Variants in SLC35F3 observed in about 807,000 individuals in gnomAD.
The protein encoded by SLC35F3 is putative thiamine transporter SLC35F3.
In SLC35F3, 25 loss-of-function variants were observed where a neutral mutation model predicts 49.9. The observed-to-expected ratio is 0.50, with a 90% confidence interval of 0.37 to 0.70. The LOEUF is 0.70. Ranked by LOEUF, SLC35F3 falls within the 30% of genes least tolerant of loss-of-function variation. The pLI, the probability that SLC35F3 is intolerant of heterozygous loss-of-function variation, is 0.00. For synonymous variants in SLC35F3, 275 were observed against 265.4 expected (o/e 1.04, Z -0.35); for missense variants, 525 against 639.8 (o/e 0.82, Z 1.94).
intron 2 of SLC35F3, among the ~76,000 whole-genome samples, chr1:234,162,552 C>T (rs1156416091): frequency 6.6e-6 from 1 of 151,958 alleles, no homozygotes; most frequent in East Asian, 1.9e-4. Context: ...CCACTTTCTC[C>T]TTGCCCCCCT....
intron 2 of SLC35F3, among the ~76,000 whole-genome samples, chr1:234,159,369 G>A: frequency 6.6e-6 from 1 of 152,068 alleles, no homozygotes; most frequent in East Asian, 1.9e-4. Flanking sequence ...CTGAGGTCAG[G>A]AGTTTGAGAC....
rs188813369 is a variant in SLC35F3 at position 233,988,155 on chromosome 1, T to G, written c.283+82397T>G. ...AACACGAGTGGTATTTATCAAGCAG[T>G]GAGCTTCATTTCAGGGTCACGGTCT... is the stretch of plus-strand genomic sequence containing the variant. On this transcript the variant is annotated intron_variant, in intron 2 of 7. Transcript: ENST00000366618. Among the ~76,000 whole-genome samples the G allele has an allele frequency of 2.5e-3, 374 of 152,322 alleles. 3 individuals carry two copies. The highest frequency in any genetic ancestry group is 0.013 in the Admixed American group (192 of 15,300).
At chr1:234,060,986 G>A (rs904192619) in intron 2 of SLC35F3, among the ~76,000 whole-genome samples, 5 of 152,204 alleles carry the variant, frequency 3.3e-5, no homozygotes, top group African/African-American at 7.2e-5. Context: ...CATTACTTAC[G>A]AGAATAAGGG....
At chr1:234,140,710 G>A (rs1025833449) in intron 2 of SLC35F3, among the ~76,000 whole-genome samples, 6 of 152,166 alleles carry the variant, frequency 3.9e-5, no homozygotes, top group Non-Finnish European at 5.9e-5. Context: ...ACTATGCGAT[G>A]TATTGTCTTA....
At chr1:234,104,578 G>A (rs1665256862) in intron 2 of SLC35F3, among the ~76,000 whole-genome samples, 1 of 152,116 alleles carries the variant, frequency 6.6e-6, no homozygotes, top group Non-Finnish European at 1.5e-5. Flanking sequence ...TCATTAAGAT[G>A]ACCTGTAGCA....
chr1:234,234,411 C>A (rs1254870053), intron 3 of SLC35F3, among the ~76,000 whole-genome samples: 2 of 152,198 alleles, frequency 1.3e-5, no homozygotes, highest in African/African-American at 4.8e-5. Context: ...CAGCACAGAG[C>A]TCCGCAACCT....
chr1:234,164,346 C>A (rs550454045), intron 2 of SLC35F3, among the ~76,000 whole-genome samples: 14 of 148,920 alleles, frequency 9.4e-5, no homozygotes, highest in Non-Finnish European at 1.5e-4. Flanking sequence ...CTTTCTCTCT[C>A]CCCCCTCCCT....
chr1:233,928,054 T>C (rs1662187663), intron 2 of SLC35F3, among the ~76,000 whole-genome samples: 1 of 152,104 alleles, frequency 6.6e-6, no homozygotes, highest in Admixed American at 6.6e-5. Context: ...GAAGTCAAAA[T>C]GTTTGAAGAC....
At position 234,277,715 on chromosome 1, in the gene SLC35F3, A is replaced by G. The variant is rs1558095605; in HGVS notation, c.609-31386A>G. Among the ~76,000 whole-genome samples the G allele has an allele frequency of 3.3e-5, 5 of 152,190 alleles. No individual in the cohort carries two copies. The South Asian group carries it at 1.0e-3, about 32-fold the overall frequency. ...TTCCTATTGTTCTCTCATCATAACC[A>G]AGTAGAAATGGTATGCCTGCAAGGA... On this transcript the variant is annotated intron_variant, in intron 3 of 7. Transcript: ENST00000366618.
chr1:233,969,112 A>T (rs1467777462), intron 2 of SLC35F3, among the ~76,000 whole-genome samples: 1 of 152,060 alleles, frequency 6.6e-6, no homozygotes, highest in Non-Finnish European at 1.5e-5. Flanking sequence ...CATTTCAGCC[A>T]AGCAAAGTTT....
At chr1:233,912,462 G>A (rs1661893622) in intron 2 of SLC35F3, among the ~76,000 whole-genome samples, 1 of 152,090 alleles carries the variant, frequency 6.6e-6, no homozygotes, top group Non-Finnish European at 1.5e-5. Context: ...GGGCGACAGA[G>A]TGAGACTCCA....
intron 2 of SLC35F3, among the ~76,000 whole-genome samples, chr1:234,056,468 T>A (rs143465068): frequency 6.6e-6 from 1 of 152,292 alleles, no homozygotes; most frequent in African/African-American, 2.4e-5. Context: ...ACAGTCCATT[T>A]TAGAACACTT....
chr1:234,278,765 C>A (rs1668256399), intron 3 of SLC35F3, among the ~76,000 whole-genome samples: 1 of 150,790 alleles, frequency 6.6e-6, no homozygotes. Context: ...CTTGTTGTAC[C>A]CTTATGAGGC....
chr1:233,928,618 G>T (rs1662196730), intron 2 of SLC35F3, among the ~76,000 whole-genome samples: 1 of 152,134 alleles, frequency 6.6e-6, no homozygotes, highest in South Asian at 2.1e-4. Flanking sequence ...CATCCAAAGG[G>T]CTGAATACAG....
intron 2 of SLC35F3, among the ~76,000 whole-genome samples, chr1:233,998,641 A>G (rs756768395): frequency 5.9e-5 from 9 of 151,930 alleles, no homozygotes; most frequent in Non-Finnish European, 1.2e-4. Context: ...TGTTCAACTC[A>G]GTAGACACTA....
chr1:234,097,178 C>T (rs1006129720), intron 2 of SLC35F3, among the ~76,000 whole-genome samples: 1 of 152,012 alleles, frequency 6.6e-6, no homozygotes, highest in Non-Finnish European at 1.5e-5. Context: ...CATGAGCCAC[C>T]GGGCCCAGAC....
chr1:234,085,595 T>C (rs141132560), intron 2 of SLC35F3, among the ~76,000 whole-genome samples: 80 of 152,344 alleles, frequency 5.3e-4, no homozygotes, highest in African/African-American at 1.8e-3. Flanking sequence ...CAGACCTCAG[T>C]GTGCCCACCC....
Position 234,231,749 on chromosome 1 carries a change from CG to C in SLC35F3, c.608+9del, listed in dbSNP as rs1558267905. 2.5e-6 allele frequency: 4 copies of C among 1,588,404 alleles called. No homozygotes were observed. The highest frequency in any genetic ancestry group is 3.4e-6 in the Non-Finnish European group (4 of 1,164,192). Reference sequence around the variant, plus strand: ...TGTGAAGCAGCGATACAGGTAGGCGCGTCCTGCATGAGGAGGCCTCCTGACC... The same window carrying C: ...TGTGAAGCAGCGATACAGGTAGGCGCTCCTGCATGAGGAGGCCTCCTGACC... On this transcript the variant is annotated intron_variant, in intron 3 of 7. Coordinates refer to ENST00000366618, the MANE Select transcript of SLC35F3 (RefSeq NM_173508.4). The surrounding 1 kb of genome is among the most constrained non-coding windows in gnomAD (Gnocchi z 5.4).
intron 3 of SLC35F3, among the ~76,000 whole-genome samples, chr1:234,291,438 A>G (rs1035262578): frequency 1.3e-5 from 2 of 152,144 alleles, no homozygotes; most frequent in African/African-American, 4.8e-5. Flanking sequence ...CCCCAGAAAA[A>G]TGGAGCAGGG....
Sources: allele counts gnomAD v4.1 joint callset (sites outside exome capture counted in the v4.1 genomes callset), GRCh38; gene constraint gnomAD v4.1.1; non-coding constraint Gnocchi (gnomAD v3.1); transcripts MANE v1.5; gene names NCBI Gene and HGNC (gene_info 2026-07-23, HGNC 2026-07-21).